SFXN2: variants seen among roughly 807,000 people sequenced by gnomAD.
SFXN2 encodes sideroflexin 2, also known as sideroflexin-2.
SFXN2 carries 37 observed loss-of-function variants against 41.9 expected under a neutral mutation model. The observed-to-expected ratio is 0.88, with a 90% CI of 0.68 to 1.16. The LOEUF (loss-of-function observed/expected upper bound fraction) is 1.16. Among genes scored for constraint, SFXN2 ranks in the 50% most tolerant of loss-of-function variants. SFXN2 has a pLI of 0.00. For synonymous variants in SFXN2, 150 were observed against 156.7 expected (o/e 0.96, Z 0.32); for missense variants, 386 against 425.2 (o/e 0.91, Z 0.81).
At chr10:102,724,581 A>C (rs564246189) in intron 1 of SFXN2, among the ~76,000 whole-genome samples, 3 of 152,262 alleles carry the variant, frequency 2.0e-5, no homozygotes, top group Admixed American at 6.5e-5. Context: ...GCACGCCTGT[A>C]GTCTCAGCTA....
chr10:102,724,691 A>G (rs1359202425), intron 1 of SFXN2, among the ~76,000 whole-genome samples: 2 of 150,446 alleles, frequency 1.3e-5, no homozygotes, highest in African/African-American at 2.5e-5. Context: ...GCAGAGCAAG[A>G]CTCCGTCTCA....
At chr10:102,736,983 C>T (rs982110547) in intron 11 of SFXN2, among the ~76,000 whole-genome samples, 5 of 151,730 alleles carry the variant, frequency 3.3e-5, no homozygotes, top group Non-Finnish European at 5.9e-5. Flanking sequence ...GGAGAAACCC[C>T]GTCTCTACTA....
At chr10:102,728,629 A>G (rs1268418546) in intron 4 of SFXN2, 100 bp downstream of exon 4, 6 of 964,132 alleles carry the variant, frequency 6.2e-6, no homozygotes, top group African/African-American at 1.6e-5. Context: ...ACCTGCACTG[A>G]GCAGGTGACC....
chr10:102,731,653 T>G, intron 6 of SFXN2, 70 bp from the exon 7 acceptor site: 2 of 1,412,496 alleles, frequency 1.4e-6, no homozygotes, highest in South Asian at 2.4e-5. Flanking sequence ...CTTGGTCCCC[T>G]GGCATGTCAT....
chr10:102,732,003 G>A, intron 7 of SFXN2, 149 bp from the exon 8 acceptor site: 1 of 798,338 alleles, frequency 1.3e-6, no homozygotes, highest in East Asian at 2.6e-5. Flanking sequence ...TAGGTGGGAG[G>A]GGATAAAGTG....
chr10:102,727,136 G>T lies in SFXN2; in HGVS notation c.311G>T (p.Gly104Val). Residue 104 changes from glycine to valine, a missense_variant, in exon 3 of 12, where the codon GGC becomes GTC. Transcript: ENST00000369893. ...CTTCCTGGCGGCATGATCATCACGG[G>T]CTTCATGCTCCAGTTCTACAGGTGG... ...FQLPGGMIIT[G>V]FMLQFYRTMP... 3 of 1,603,152 alleles carry T rather than the reference G, an allele frequency of 1.9e-6. No homozygotes were observed. The highest frequency in any genetic ancestry group is 2.6e-6 in the Non-Finnish European group (3 of 1,170,772).
intron 3 of SFXN2, among the ~76,000 whole-genome samples, 174 bp from the exon 4 acceptor site, chr10:102,728,257 C>T (rs1045365011): frequency 6.6e-6 from 1 of 152,134 alleles, no homozygotes; most frequent in African/African-American, 2.4e-5. Flanking sequence ...TGAGATCGTA[C>T]CACTGCACTC....
At position 102,729,334 on chromosome 10, in the gene SFXN2, C is replaced by T. The variant is rs769806502; in HGVS notation, c.447C>T (p.Ser149=). The T allele has an allele frequency of 6.8e-5, 109 of 1,614,072 alleles. No individual in the cohort carries two copies. The South Asian group carries it at 1.1e-3, about 17-fold the overall frequency. ...CCTCCCCCAGGCAGATGGCCCTTTC[C>T]TACTTCACAGCCACAACCACTGCTG... The part of the protein sequence containing the change: ...SPTSVRQMAL[S]YFTATTTAVA... Residue 149 remains serine (S), a synonymous_variant, in exon 5 of 12, where the codon TCC becomes TCT. Coordinates refer to ENST00000369893, the MANE Select transcript of SFXN2 (RefSeq NM_178858.6).
chr10:102,727,305 T>C, intron 3 of SFXN2, 148 bp downstream of exon 3: 2 of 804,620 alleles, frequency 2.5e-6, no homozygotes, highest in Non-Finnish European at 3.8e-6. Flanking sequence ...TATTGCTTCA[T>C]TTAACCCTCG....
intron 1 of SFXN2, among the ~76,000 whole-genome samples, chr10:102,723,073 AG>A (rs1450205985): frequency 1.3e-5 from 2 of 151,034 alleles, no homozygotes; most frequent in Non-Finnish European, 2.9e-5. Context: ...CTGGGACTGC[AG>A]GTGTGCACCA....
chr10:102,741,529 A>G lies in SFXN2; in HGVS notation c.*3767A>G, dbSNP rs1050156675. ...CAATCCTGGCTAGAACCAGAATCCT[A>G]AAGGTTTCCTGACTACAGGTACATG... On this transcript the variant is annotated 3_prime_UTR_variant, in exon 12 of 12. Coordinates refer to ENST00000369893, the MANE Select transcript of SFXN2 (RefSeq NM_178858.6). The G allele has an allele frequency of 1.3e-5, 2 of 152,188 alleles. No individual in the cohort carries two copies. Among genetic ancestry groups the G allele is most frequent in the African/African-American group, 4.8e-5 (2 of 41,434 alleles). 9.4% of individuals were successfully genotyped at this position (152,188 alleles called of 1,614,324 possible).
intron 1 of SFXN2, among the ~76,000 whole-genome samples, chr10:102,725,474 C>A (rs972144121): frequency 6.6e-6 from 1 of 152,132 alleles, no homozygotes; most frequent in Non-Finnish European, 1.5e-5. Context: ...GTAGTCCCAG[C>A]TACTTGGGAG....
Position 102,726,806 on chromosome 10 carries a change from T to A in SFXN2, c.161+9T>A, listed in dbSNP as rs770056778. The stretch of plus-strand genomic sequence containing the variant: ...ATGGTGGAGAAGAGCAGGTGAGGGG[T>A]CGGGGAAGGGGCTGGAAGTAGTAGG... On this transcript the variant is annotated intron_variant, in intron 2 of 11. Transcript: ENST00000369893. 2 of 1,613,138 alleles carry A rather than the reference T, an allele frequency of 1.2e-6. No individual in the cohort carries two copies. The highest frequency in any genetic ancestry group is 2.2e-5 in the South Asian group (2 of 91,002).
At chr10:102,722,827 G>T (rs987631251) in intron 1 of SFXN2, among the ~76,000 whole-genome samples, 2 of 151,846 alleles carry the variant, frequency 1.3e-5, no homozygotes, top group Admixed American at 6.6e-5. Context: ...GGGATTATAG[G>T]TGTGAACCAT....
At chr10:102,717,508 G>A (rs935472287) in intron 1 of SFXN2, among the ~76,000 whole-genome samples, 1 of 152,164 alleles carries the variant, frequency 6.6e-6, no homozygotes, top group Non-Finnish European at 1.5e-5. Flanking sequence ...TTTGTTCCTA[G>A]TAGTGGGACC....
At chr10:102,736,004 AG>A (rs2064771776) in intron 11 of SFXN2, 95 bp downstream of exon 11, 2 of 1,205,926 alleles carry the variant, frequency 1.7e-6, no homozygotes, top group African/African-American at 3.0e-5. Context: ...GGGAAGGGGC[AG>A]GAAGGGCAGC....
intron 5 of SFXN2, 36 bp downstream of exon 5, chr10:102,729,430 CG>C (rs1454615559): frequency 1.0e-5 from 16 of 1,608,008 alleles, no homozygotes; most frequent in African/African-American, 5.3e-5. Flanking sequence ...GGTGGCCACG[CG>C]GGGGCAGCAG....
intron 6 of SFXN2, among the ~76,000 whole-genome samples, chr10:102,730,350 G>C (rs1426040588): frequency 1.3e-5 from 2 of 152,160 alleles, no homozygotes; most frequent in African/African-American, 2.4e-5. Context: ...AGGTTTTAAT[G>C]ATGTAATATA....
At chr10:102,736,015 C>A in intron 11 of SFXN2, 106 bp downstream of exon 11, 1 of 1,119,190 alleles carries the variant, frequency 8.9e-7, no homozygotes. Context: ...GGAAGGGCAG[C>A]ACCTGTCTGA....
Sources: gnomAD v4.1 joint callset for allele counts (sites outside exome capture counted in the v4.1 genomes callset) on GRCh38, gnomAD v4.1.1 for gene constraint, MANE v1.5 for transcripts, NCBI Gene and HGNC (gene_info 2026-07-23, HGNC 2026-07-21) for gene names.